Variants in RSF1 observed in about 807,000 individuals in gnomAD.
The protein encoded by RSF1 is remodeling and spacing factor 1.
A neutral mutation model predicts 145.2 loss-of-function variants in RSF1; 13 were observed. That is an observed-to-expected ratio of 0.09 (90% CI 0.06 to 0.14). RSF1 has a LOEUF of 0.14. Among genes scored for constraint, RSF1 ranks in the 10% least tolerant of loss-of-function variants. The pLI, the probability that RSF1 is intolerant of heterozygous loss-of-function variation, is 1.00. For missense variants in RSF1, 1,517 were observed against 1,718.2 expected (o/e 0.88, Z 2.07); for synonymous variants, 577 against 592.6 (o/e 0.97, Z 0.38).
At chr11:77,740,031 G>A (rs763203166) in intron 4 of RSF1, among the ~76,000 whole-genome samples, 5 of 152,232 alleles carry the variant, frequency 3.3e-5, no homozygotes, top group Non-Finnish European at 7.3e-5. Flanking sequence ...ACTGTGTCAA[G>A]ATGAACTGAA....
intron 14 of RSF1, among the ~76,000 whole-genome samples, chr11:77,674,818 G>T (rs1414722703): frequency 6.6e-6 from 1 of 152,064 alleles, no homozygotes; most frequent in Non-Finnish European, 1.5e-5. Flanking sequence ...TGGCCAACAT[G>T]GAGAAACTCC....
chr11:77,750,023 A>G (rs908492400), intron 2 of RSF1, among the ~76,000 whole-genome samples: 2 of 152,070 alleles, frequency 1.3e-5, no homozygotes, highest in Admixed American at 6.6e-5. Context: ...CTGGGATTAC[A>G]GGTGTGAGCC....
At chr11:77,686,067 CAT>C (rs1268245486) in intron 9 of RSF1, among the ~76,000 whole-genome samples, 1 of 152,148 alleles carries the variant, frequency 6.6e-6, no homozygotes, top group African/African-American at 2.4e-5. Flanking sequence ...ATGACATCTC[CAT>C]AGTTTCATTT....
Position 77,698,670 on chromosome 11 carries a change from T to A in RSF1, c.2532A>T (p.Arg844=). The change falls in exon 7 of 16, where the codon CGA becomes CGT. Residue 844 remains arginine (R), a synonymous_variant. Coordinates refer to ENST00000308488, the MANE Select transcript of RSF1 (RefSeq NM_016578.4). ...TGCCACGTGTCCGAGAACCAGTCCA[T>A]CGAACTTTGCCTTTGGGTTTTACCT... The part of the protein sequence containing the change: ...VSKVKPKGKV[R]WTGSRTRGRW... 1.2e-6 allele frequency: 2 copies of A among 1,614,122 alleles called. No individual in the cohort carries two copies. Among genetic ancestry groups the A allele is most frequent in the South Asian group, 1.1e-5 (1 of 91,078 alleles).
chr11:77,735,973 A>C (rs1036865295), intron 4 of RSF1, among the ~76,000 whole-genome samples: 8 of 152,152 alleles, frequency 5.3e-5, no homozygotes, highest in African/African-American at 1.7e-4. Flanking sequence ...TCTTGACCTC[A>C]TGATCCGCCC....
At chr11:77,859,414 G>A in the RSF1 span, among the ~76,000 whole-genome samples, 1 of 152,160 alleles carries the variant, frequency 6.6e-6, no homozygotes, top group South Asian at 2.1e-4. Flanking sequence ...ATGGCTTCCT[G>A]ATGTTTGATA....
At chr11:77,789,625 A>G (rs972080833) in intron 1 of RSF1, among the ~76,000 whole-genome samples, 14 of 152,124 alleles carry the variant, frequency 9.2e-5, no homozygotes, top group Non-Finnish European at 1.9e-4. Context: ...ACTACCATAG[A>G]AGGCAGCTCC....
At chr11:77,799,417 G>A (rs750540963) in intron 1 of RSF1, among the ~76,000 whole-genome samples, 3 of 150,466 alleles carry the variant, frequency 2.0e-5, no homozygotes, top group Non-Finnish European at 2.9e-5. Flanking sequence ...TGAAAGGATC[G>A]CTTGAGATCA....
the RSF1 span, chr11:77,868,674 T>TTTG: frequency 2.8e-3 from 477 of 170,382 alleles, 3 homozygotes; most frequent in African/African-American, 0.01. Flanking sequence ...TCCAGAGGTT[T>TTTG]TTGTTGTTGT....
chr11:77,689,677 T>C (rs1960099162), intron 9 of RSF1, among the ~76,000 whole-genome samples: 1 of 152,264 alleles, frequency 6.6e-6, no homozygotes, highest in African/African-American at 2.4e-5. Context: ...TATTCTCTAA[T>C]AGAAGGTGAG....
chr11:77,717,269 C>T (rs141355287), intron 5 of RSF1, among the ~76,000 whole-genome samples: 207 of 150,840 alleles, frequency 1.4e-3, no homozygotes, highest in African/African-American at 4.8e-3. Flanking sequence ...CTCCTGAATA[C>T]AGTGAGAATC....
At position 77,701,468 on chromosome 11, in the gene RSF1, C is replaced by G; in HGVS notation, c.1761G>C (p.Lys587Asn). 3 of 1,614,108 alleles carry G rather than the reference C, an allele frequency of 1.9e-6. No homozygotes were observed. Among genetic ancestry groups the G allele is most frequent in the Non-Finnish European group, 2.5e-6 (3 of 1,180,010 alleles). The part of the protein sequence containing the change: ...KRPPILECLE[K>N]LEKSKKTFLD... ...GAAAAGTCTTTTTGGACTTCTCTAA[C>G]TTTTCAAGACATTCTAGGATTGGTG... Residue 587 changes from lysine (K) to asparagine (N), a missense_variant, in exon 6 of 16, where the codon AAG becomes AAC. By Grantham distance (94) the Lys-to-Asn change is moderately conservative. Transcript: ENST00000308488.
chr11:77,713,270 T>C (rs546678434), intron 5 of RSF1, among the ~76,000 whole-genome samples: 6 of 152,188 alleles, frequency 3.9e-5, no homozygotes, highest in Non-Finnish European at 8.8e-5. Flanking sequence ...ATTATAGATA[T>C]TGGTAACAGC....
chr11:77,843,614 T>C, the RSF1 span, among the ~76,000 whole-genome samples: 1 of 152,178 alleles, frequency 6.6e-6, no homozygotes, highest in Non-Finnish European at 1.5e-5. Flanking sequence ...AATATCTCAA[T>C]GAGTTCTGGC....
the RSF1 span, among the ~76,000 whole-genome samples, chr11:77,846,939 G>A: frequency 6.6e-6 from 1 of 152,110 alleles, no homozygotes; most frequent in Non-Finnish European, 1.5e-5. Context: ...TCTGTATCCT[G>A]TGTTACTCTC....
intron 1 of RSF1, among the ~76,000 whole-genome samples, chr11:77,808,590 G>T (rs1948701725): frequency 9.3e-6 from 1 of 107,500 alleles, no homozygotes; most frequent in Admixed American, 1.3e-4. Context: ...CTGGAGTGCA[G>T]TGGCGGGATC....
intron 8 of RSF1, among the ~76,000 whole-genome samples, chr11:77,692,494 T>G (rs1387909512): frequency 7.0e-6 from 1 of 143,778 alleles, no homozygotes; most frequent in African/African-American, 2.7e-5. Context: ...TCCGCCCGCC[T>G]CGGCCTCCCA....
At chr11:77,860,102 A>G in the RSF1 span, among the ~76,000 whole-genome samples, 1 of 152,218 alleles carries the variant, frequency 6.6e-6, no homozygotes, top group South Asian at 2.1e-4. Context: ...AGACATGTGT[A>G]AGGACTCCTA....
intron 1 of RSF1, among the ~76,000 whole-genome samples, chr11:77,807,591 C>T (rs1274430128): frequency 6.6e-6 from 1 of 152,136 alleles, no homozygotes; most frequent in African/African-American, 2.4e-5. Context: ...ATGCTAATAC[C>T]AGACAAAACA....
Sources: gnomAD v4.1 joint callset for allele counts (sites outside exome capture counted in the v4.1 genomes callset) on GRCh38, gnomAD v4.1.1 for gene constraint, MANE v1.5 for transcripts, NCBI Gene and HGNC (gene_info 2026-07-23, HGNC 2026-07-21) for gene names.